The following INHBC variants were observed in gnomAD, a reference collection of about 807,000 sequenced individuals.
INHBC encodes inhibin beta C chain.
In INHBC, 10 loss-of-function variants were observed where a neutral mutation model predicts 12.4. The observed-to-expected ratio is 0.81, with a 90% confidence interval of 0.50 to 1.37. INHBC has a LOEUF of 1.37. Among genes scored for constraint, INHBC ranks in the 40% most tolerant of loss-of-function variants. INHBC has a pLI of 0.00. For synonymous variants in INHBC, 147 were observed against 171.6 expected (o/e 0.86, Z 1.12); for missense variants, 382 against 439.4 (o/e 0.87, Z 1.17).
rs1366698407 is a variant in INHBC, at chr12:57,451,861, T to A, written c.*1839T>A. 1 of 455,534 alleles carries A rather than the reference T, an allele frequency of 2.2e-6. No individual in the cohort carries two copies. The highest frequency in any genetic ancestry group is 4.4e-6 in the Non-Finnish European group (1 of 226,708). The allele number at this position is 455,534 out of a possible 1,614,324, so 28.2% of individuals were successfully genotyped here. ...CCCCCAGATCTAACCTCCTTCCCAA[T>A]TACAGCTTAGTCTCCAGGGCTAGGA... On this transcript the variant is annotated 3_prime_UTR_variant, in exon 2 of 2. Coordinates refer to ENST00000309668, the MANE Select transcript of INHBC (RefSeq NM_005538.4).
At position 57,449,816 on chromosome 12, in the gene INHBC, G is replaced by C; in HGVS notation, c.853G>C (p.Ala285Pro). 3 of 1,613,528 alleles carry C rather than the reference G, an allele frequency of 1.9e-6. No individual in the cohort carries two copies. The highest frequency in any genetic ancestry group is 2.5e-6 in the Non-Finnish European group (3 of 1,179,594). Residue 285 changes from alanine to proline, a missense_variant, in exon 2 of 2, where the codon GCA becomes CCA. Physicochemically the swap from Ala to Pro is conservative, Grantham distance 27 (BLOSUM62 -1). Coordinates refer to ENST00000309668, the MANE Select transcript of INHBC (RefSeq NM_005538.4). ...FCIGQCPLHI[A>P]GMPGIAASFH... ...CATAGGGCAGTGCCCACTACACATA[G>C]CAGGCATGCCTGGTATTGCTGCCTC...
In INHBC at chr12:57,449,675, A is replaced by G. The variant is rs1359916795; in HGVS notation, c.712A>G (p.Ile238Val). ...GGKHQIHRRG[I>V]DCQGGSRMCC... ...CAAACACCAGATTCACCGACGAGGC[A>G]TCGACTGCCAAGGAGGGTCCAGGAT... is the stretch of plus-strand genomic sequence containing the variant. Residue 238 changes from isoleucine to valine, a missense_variant, in exon 2 of 2, where the codon ATC becomes GTC. Ile to Val is a conservative substitution (Grantham distance 29). Transcript: ENST00000309668. The G allele has an allele frequency of 1.7e-5, 28 of 1,614,138 alleles. No homozygotes were observed. Among genetic ancestry groups the G allele is most frequent in the Non-Finnish European group, 2.1e-5 (25 of 1,180,054 alleles).
chr12:57,438,775 C>T (rs1383514726), intron 1 of INHBC, among the ~76,000 whole-genome samples: 2 of 152,098 alleles, frequency 1.3e-5, no homozygotes, highest in Non-Finnish European at 2.9e-5. Flanking sequence ...TATATCTCTC[C>T]CACAAGCAAA....
At position 57,452,057 on chromosome 12, in the gene INHBC, G is replaced by A. The variant is rs541050836; in HGVS notation, c.*2035G>A. Among the ~76,000 whole-genome samples, 2 of 152,320 alleles carry A rather than the reference G, an allele frequency of 1.3e-5. No individual in the cohort carries two copies. Among genetic ancestry groups the A allele is most frequent in the East Asian group, 3.9e-4 (2 of 5,192 alleles). On this transcript the variant is annotated 3_prime_UTR_variant, in exon 2 of 2. Transcript: ENST00000309668. ...CTACTTTTAAATAAAAACAGGATCA[G>A]CATTATTCCCTTTCTTTTTTGGCTC...
intron 1 of INHBC, among the ~76,000 whole-genome samples, chr12:57,442,396 C>T (rs922298311): frequency 6.6e-6 from 1 of 152,140 alleles, no homozygotes; most frequent in Non-Finnish European, 1.5e-5. Context: ...GTTTGCCTGC[C>T]ATAACTGGAG....
In INHBC at chr12:57,434,840, A is replaced by C. The variant is rs777160786; in HGVS notation, c.-47A>C. On this transcript the variant is annotated 5_prime_UTR_variant, in exon 1 of 2. Transcript: ENST00000309668. ...CAGAGTTGAGACCACAGCTGTTGAG[A>C]CCCTGAGCCCTGAGTCTGTATTGCT... 3.9e-6 allele frequency: 6 copies of C among 1,541,476 alleles called. No individual in the cohort carries two copies. The highest frequency in any genetic ancestry group is 5.3e-6 in the Non-Finnish European group (6 of 1,133,452).
intron 1 of INHBC, among the ~76,000 whole-genome samples, chr12:57,445,580 C>CATT (rs1242810558): frequency 6.6e-6 from 1 of 152,000 alleles, no homozygotes; most frequent in Non-Finnish European, 1.5e-5. Flanking sequence ...TGGGGGGATA[C>CATT]ATTTAGACTT....
chr12:57,451,371 C>T lies in INHBC; in HGVS notation c.*1349C>T, dbSNP rs1237218779. 2.0e-5 allele frequency among the ~76,000 whole-genome samples: 3 copies of T among 152,112 alleles called. No individual in the cohort carries two copies. The highest frequency in any genetic ancestry group is 4.4e-5 in the Non-Finnish European group (3 of 68,016). ...CTTTCACCCACCCCCAGTGCTCCAC[C>T]CAGGAGTCCTGCCTGGAAGCTGGAA... On this transcript the variant is annotated 3_prime_UTR_variant, in exon 2 of 2. Transcript: ENST00000309668.
intron 1 of INHBC, among the ~76,000 whole-genome samples, chr12:57,443,529 C>T (rs555033362): frequency 1.8e-4 from 28 of 152,086 alleles, no homozygotes; most frequent in Non-Finnish European, 4.0e-4. Flanking sequence ...GGTGATCCAC[C>T]CACCTTGGCC....
At chr12:57,445,736 ATTT>A (rs35509259) in intron 1 of INHBC, among the ~76,000 whole-genome samples, 4 of 101,354 alleles carry the variant, frequency 3.9e-5, no homozygotes, top group Admixed American at 1.1e-4. Context: ...CTCCATGTAA[ATTT>A]TTTTTTTTTT....
At chr12:57,448,628 T>A (rs1205305320) in intron 1 of INHBC, among the ~76,000 whole-genome samples, 7 of 150,858 alleles carry the variant, frequency 4.6e-5, no homozygotes, top group Non-Finnish European at 2.9e-5. Flanking sequence ...AAGAGCTCCC[T>A]TAATGTAGAC....
chr12:57,445,072 C>G (rs1228852325), intron 1 of INHBC, among the ~76,000 whole-genome samples: 1 of 152,146 alleles, frequency 6.6e-6, no homozygotes, highest in Non-Finnish European at 1.5e-5. Flanking sequence ...CTCAGTCATT[C>G]AAAGATCTTG....
rs1870714728 is a variant in INHBC at position 57,451,642 on chromosome 12, C to T, written c.*1620C>T. On this transcript the variant is annotated 3_prime_UTR_variant, in exon 2 of 2. Transcript: ENST00000309668. ...TGTTTGCTCAGTTTATGACCCCCTCCTATGAGGGTAAGAGGTCCCTGAAAT... is the reference window on the plus strand; with the variant it reads ...TGTTTGCTCAGTTTATGACCCCCTCTTATGAGGGTAAGAGGTCCCTGAAAT... Among the ~76,000 whole-genome samples, 1 of 152,160 alleles carries T rather than the reference C, an allele frequency of 6.6e-6. No individual in the cohort carries two copies.
At chr12:57,443,474 G>A (rs939740273) in intron 1 of INHBC, among the ~76,000 whole-genome samples, 6 of 151,812 alleles carry the variant, frequency 4.0e-5, no homozygotes, top group Admixed American at 2.0e-4. Flanking sequence ...AGTAGAGATG[G>A]GGTTTCTCCA....
At chr12:57,442,972 CAAGAGTGAGACTCCGTCTCA>C (rs928559870) in intron 1 of INHBC, among the ~76,000 whole-genome samples, 2 of 136,580 alleles carry the variant, frequency 1.5e-5, no homozygotes, top group African/African-American at 5.4e-5. Context: ...GCCCAGGCGA[CAAGAGTGAGACTCCGTCTCA>C]AAAAAAAAAA....
intron 1 of INHBC, among the ~76,000 whole-genome samples, chr12:57,445,377 TAAAGAA>T (rs764299351): frequency 3.3e-5 from 5 of 152,156 alleles, no homozygotes; most frequent in Non-Finnish European, 7.3e-5. Flanking sequence ...AAGCTACAGT[TAAAGAA>T]AAAGATGGTT....
chr12:57,447,637 C>T (rs1421856396), intron 1 of INHBC, among the ~76,000 whole-genome samples: 3 of 149,146 alleles, frequency 2.0e-5, no homozygotes, highest in Admixed American at 6.7e-5. Flanking sequence ...GTAATCCCAG[C>T]GCTTTGGGAG....
chr12:57,437,690 G>C (rs1489064826), intron 1 of INHBC, among the ~76,000 whole-genome samples: 1 of 147,268 alleles, frequency 6.8e-6, no homozygotes, highest in Non-Finnish European at 1.5e-5. Flanking sequence ...AAAAAAGAAA[G>C]AAAGAAAATG....
chr12:57,435,346 C>T (rs560048), intron 1 of INHBC, 147 bp downstream of exon 1: 340,404 of 740,598 alleles, frequency 0.46, 81,610 homozygotes, highest in Admixed American at 0.54. Context: ...CCAGGTGTCC[C>T]GACAACCCCC....
Sources: gnomAD v4.1 joint callset for allele counts (sites outside exome capture counted in the v4.1 genomes callset) on GRCh38, gnomAD v4.1.1 for gene constraint, MANE v1.5 for transcripts, NCBI Gene and HGNC (gene_info 2026-07-23, HGNC 2026-07-21) for gene names.